Variants in MACROD2 observed in about 807,000 individuals in gnomAD.
The protein encoded by MACROD2 is mono-ADP ribosylhydrolase 2, also known as ADP-ribose glycohydrolase MACROD2.
In MACROD2, 36 loss-of-function variants were observed where a neutral mutation model predicts 70.4. The ratio of observed to expected loss-of-function variants is 0.51; its 90% confidence interval spans 0.39 to 0.68. The LOEUF is 0.68. Ranked by LOEUF, MACROD2 falls within the 30% of genes least tolerant of loss-of-function variation. MACROD2 has a pLI of 0.00. For missense variants in MACROD2, 496 were observed against 538.4 expected (o/e 0.92, Z 0.78); for synonymous variants, 172 against 178.8 (o/e 0.96, Z 0.30).
chr20:14,660,660 C>T (rs1251326250), intron 4 of MACROD2, among the ~76,000 whole-genome samples: 2 of 152,042 alleles, frequency 1.3e-5, no homozygotes, highest in African/African-American at 4.8e-5. Context: ...AACATAGAAC[C>T]TGATAGGTAA....
At chr20:15,183,382 A>G (rs2145905021) in intron 5 of MACROD2, among the ~76,000 whole-genome samples, 1 of 152,062 alleles carries the variant, frequency 6.6e-6, no homozygotes, top group Middle Eastern at 3.4e-3. Flanking sequence ...AAAATAAAAT[A>G]AAATAAAATA....
intron 3 of MACROD2, among the ~76,000 whole-genome samples, chr20:14,167,078 T>C (rs955502911): frequency 3.3e-5 from 5 of 152,174 alleles, no homozygotes; most frequent in South Asian, 2.1e-4. Context: ...CTTTAACATG[T>C]CTTGATTTTC....
chr20:15,704,726 A>G lies in MACROD2; in HGVS notation c.646-158019A>G, dbSNP rs891868127. ...AGAAGATGGACATAAAATGGACATA[A>G]AATAGAATAGGAGTTGAAAGTAGAT... is the stretch of plus-strand genomic sequence containing the variant. On this transcript the variant is annotated intron_variant, in intron 8 of 17. Coordinates refer to ENST00000684519, the MANE Select transcript of MACROD2 (RefSeq NM_001351661.2). 9.2e-5 allele frequency among the ~76,000 whole-genome samples: 14 copies of G among 152,354 alleles called. No individual in the cohort carries two copies. In the East Asian group the frequency reaches 2.7e-3, roughly 29 times the overall value.
chr20:15,655,865 C>A (rs6514591), intron 8 of MACROD2, among the ~76,000 whole-genome samples: 20,256 of 152,096 alleles, frequency 0.13, 2,027 homozygotes, highest in African/African-American at 0.26. Context: ...ACAGAGCATG[C>A]AGCTCAAAAA....
At chr20:14,194,644 C>G (rs921001329) in intron 3 of MACROD2, among the ~76,000 whole-genome samples, 13 of 152,030 alleles carry the variant, frequency 8.6e-5, no homozygotes, top group Non-Finnish European at 1.8e-4. Flanking sequence ...TCAGATGGAG[C>G]GGGGATAAGT....
intron 3 of MACROD2, among the ~76,000 whole-genome samples, chr20:14,460,346 T>C (rs984993317): frequency 2.6e-5 from 4 of 152,136 alleles, no homozygotes; most frequent in African/African-American, 9.7e-5. Context: ...CCACCAACAG[T>C]GTAAAAACCT....
intron 8 of MACROD2, among the ~76,000 whole-genome samples, chr20:15,597,179 G>A (rs998457823): frequency 2.6e-5 from 4 of 152,204 alleles, no homozygotes; most frequent in African/African-American, 7.2e-5. Flanking sequence ...GAGGAGAGGT[G>A]GAGAAAGTGT....
chr20:14,370,578 T>C (rs2083313284), intron 3 of MACROD2, among the ~76,000 whole-genome samples: 2 of 152,206 alleles, frequency 1.3e-5, no homozygotes, highest in African/African-American at 4.8e-5. Context: ...GAACCACTTA[T>C]ATCAACTGGT....
At chr20:15,787,883 A>T (rs1023930116) in intron 8 of MACROD2, among the ~76,000 whole-genome samples, 9 of 152,212 alleles carry the variant, frequency 5.9e-5, no homozygotes, top group Non-Finnish European at 1.3e-4. Flanking sequence ...CCAAAGGATG[A>T]CAATGATTAT....
At chr20:15,715,405 G>A (rs1207046180) in intron 8 of MACROD2, among the ~76,000 whole-genome samples, 1 of 152,094 alleles carries the variant, frequency 6.6e-6, no homozygotes, top group Admixed American at 6.6e-5. Context: ...AGTTAGAAAT[G>A]TAAACACATT....
At chr20:14,084,555 G>A (rs1317601282) in intron 2 of MACROD2, among the ~76,000 whole-genome samples, 1 of 151,966 alleles carries the variant, frequency 6.6e-6, no homozygotes, top group South Asian at 2.1e-4. Flanking sequence ...GCTTTTACTA[G>A]ATTTATCTTA....
At chr20:14,383,457 TTC>T (rs1430854231) in intron 3 of MACROD2, among the ~76,000 whole-genome samples, 1 of 152,218 alleles carries the variant, frequency 6.6e-6, no homozygotes, top group Non-Finnish European at 1.5e-5. Flanking sequence ...AAATTTGGAC[TTC>T]TGTCTTTCAT....
chr20:14,697,073 T>TGA (rs1287470637), intron 5 of MACROD2, among the ~76,000 whole-genome samples: 1 of 152,150 alleles, frequency 6.6e-6, no homozygotes, highest in African/African-American at 2.4e-5. Flanking sequence ...GAAAGCAGTC[T>TGA]GAGAGAGTGG....
chr20:15,668,029 G>T (rs2049925304), intron 8 of MACROD2, among the ~76,000 whole-genome samples: 1 of 152,044 alleles, frequency 6.6e-6, no homozygotes, highest in African/African-American at 2.4e-5. Context: ...GGAGGCTGAG[G>T]TGGGTAGGTC....
chr20:14,887,710 T>C (rs2073697549), intron 5 of MACROD2, among the ~76,000 whole-genome samples: 1 of 152,028 alleles, frequency 6.6e-6, no homozygotes, highest in Non-Finnish European at 1.5e-5. Context: ...TCTTGAAAAA[T>C]AGCAGAAACA....
intron 5 of MACROD2, among the ~76,000 whole-genome samples, chr20:15,129,037 A>G (rs2076086483): frequency 6.6e-6 from 1 of 152,014 alleles, no homozygotes. Context: ...TTTGTGAAAC[A>G]GTTTTTCTCT....
intron 7 of MACROD2, among the ~76,000 whole-genome samples, chr20:15,462,040 C>T (rs377242240): frequency 2.0e-3 from 305 of 151,994 alleles, no homozygotes; most frequent in Middle Eastern, 6.8e-3. Flanking sequence ...ATGAACAAAG[C>T]GAAATTATAG....
intron 8 of MACROD2, among the ~76,000 whole-genome samples, chr20:15,506,961 A>C (rs1409284044): frequency 6.6e-6 from 1 of 152,204 alleles, no homozygotes. Flanking sequence ...ACTTGAAAAA[A>C]TAAATTGCAG....
intron 2 of MACROD2, among the ~76,000 whole-genome samples, chr20:14,071,985 G>A (rs1160588631): frequency 6.6e-6 from 1 of 152,208 alleles, no homozygotes; most frequent in Admixed American, 6.5e-5. Context: ...AGTAGTATAT[G>A]TATTGGGATA....
Sources: gnomAD v4.1 joint callset for allele counts (sites outside exome capture counted in the v4.1 genomes callset) on GRCh38, gnomAD v4.1.1 for gene constraint, MANE v1.5 for transcripts, NCBI Gene and HGNC (gene_info 2026-07-23, HGNC 2026-07-21) for gene names.